Variants in SPATA13 observed in about 807,000 individuals in gnomAD.
SPATA13 encodes spermatogenesis associated 13.
In SPATA13, 50 loss-of-function variants were observed where a neutral mutation model predicts 104.0. The ratio of observed to expected loss-of-function variants is 0.48; its 90% CI spans 0.38 to 0.61. SPATA13 has a LOEUF of 0.61. Among genes scored for constraint, SPATA13 ranks in the 20% least tolerant of loss-of-function variants. The pLI is 0.00. For missense variants in SPATA13, 1,524 were observed against 1,690.6 expected (o/e 0.90, Z 1.73); for synonymous variants, 606 against 667.5 (o/e 0.91, Z 1.42).
intron 1 of SPATA13, among the ~76,000 whole-genome samples, chr13:24,185,888 G>T (rs1342204938): frequency 4.6e-5 from 7 of 152,026 alleles, no homozygotes; most frequent in Non-Finnish European, 7.4e-5. Context: ...AAATAAGCAG[G>T]GTAGGTCAGT....
intron 4 of SPATA13, among the ~76,000 whole-genome samples, chr13:24,283,350 A>T (rs1033122236): frequency 6.6e-6 from 1 of 152,246 alleles, no homozygotes; most frequent in African/African-American, 2.4e-5. Flanking sequence ...CGTTGGAAAA[A>T]ATACTGATAG....
chr13:24,137,568 C>T lies in SPATA13; in HGVS notation c.-111-85251C>T, dbSNP rs947898548. ...TGAGGCCAGGAGTTTGAGGCCAGTC[C>T]GGCCAACATGGTGAAACCCCACCAC... On this transcript the variant is annotated intron_variant, in intron 3 of 14. Coordinates refer to the SPATA13 transcript ENST00000424834. Among the ~76,000 whole-genome samples, 6 of 152,056 alleles carry T rather than the reference C, an allele frequency of 3.9e-5. No homozygotes were observed. In the East Asian group the frequency reaches 5.8e-4, roughly 15 times the overall value.
At chr13:24,080,752 C>G (rs185918599) in intron 3 of SPATA13, among the ~76,000 whole-genome samples, 8 of 152,288 alleles carry the variant, frequency 5.3e-5, no homozygotes, top group African/African-American at 1.9e-4. Flanking sequence ...CTTCTGTGCC[C>G]TATGGCATGT....
At chr13:24,108,827 T>C (rs1880542919) in intron 3 of SPATA13, among the ~76,000 whole-genome samples, 1 of 152,172 alleles carries the variant, frequency 6.6e-6, no homozygotes, top group Admixed American at 6.5e-5. Flanking sequence ...ACCTCTTCTG[T>C]GACTACTCTG....
At chr13:24,273,910 G>A (rs1272534881) in intron 4 of SPATA13, among the ~76,000 whole-genome samples, 13 of 152,112 alleles carry the variant, frequency 8.5e-5, no homozygotes, top group Admixed American at 8.5e-4. Context: ...GGCTGGTCTT[G>A]AACTCCTGGC....
Position 24,103,003 on chromosome 13 carries a change from C to T in SPATA13, c.-112+85302C>T, listed in dbSNP as rs1222444195. ...TTTATTCCTTTGCATGTGGCTATCC[C>T]GTTTTCCCAGCACCTTTTGTTGAAG... On this transcript the variant is annotated intron_variant, in intron 3 of 14. Transcript: ENST00000424834. 4.6e-5 allele frequency among the ~76,000 whole-genome samples: 7 copies of T among 152,204 alleles called. No individual in the cohort carries two copies. The East Asian group carries it at 9.7e-4, about 21-fold the overall frequency.
At chr13:24,231,888 C>T (rs984990257) in intron 2 of SPATA13, among the ~76,000 whole-genome samples, 2 of 152,198 alleles carry the variant, frequency 1.3e-5, no homozygotes, top group African/African-American at 2.4e-5. Flanking sequence ...GGTTATTAGC[C>T]ATTCAAGTGA....
intron 1 of SPATA13, among the ~76,000 whole-genome samples, chr13:24,168,435 C>G (rs1882832322): frequency 6.6e-6 from 1 of 152,196 alleles, no homozygotes; most frequent in Non-Finnish European, 1.5e-5. Context: ...TTCCAAGTAA[C>G]CACTTACTGT....
chr13:24,280,425 A>G (rs1875407571), intron 4 of SPATA13, among the ~76,000 whole-genome samples: 1 of 152,110 alleles, frequency 6.6e-6, no homozygotes, highest in African/African-American at 2.4e-5. Context: ...TTCGAGGAGA[A>G]AGCGTCATTT....
intron 3 of SPATA13, among the ~76,000 whole-genome samples, chr13:24,069,903 A>G (rs920941610): frequency 6.6e-6 from 1 of 152,228 alleles, no homozygotes; most frequent in African/African-American, 2.4e-5. Context: ...GGTGACCAAC[A>G]CTGCAAATCT....
At chr13:24,047,039 G>A (rs1028322696) in intron 3 of SPATA13, among the ~76,000 whole-genome samples, 1 of 152,092 alleles carries the variant, frequency 6.6e-6, no homozygotes, top group Admixed American at 6.6e-5. Flanking sequence ...AGCAGGCTAG[G>A]GAATGAGTGC....
chr13:24,030,912 GA>G lies in SPATA13; in HGVS notation c.-112+13212del, dbSNP rs1315126646. Reference sequence around the variant, plus strand: ...TTTTTCTAATTTTACAGAGAACCCTGAGATTTTAAAAGGTTAAATAATTTGC... The same window carrying G: ...TTTTTCTAATTTTACAGAGAACCCTGGATTTTAAAAGGTTAAATAATTTGC... On this transcript the variant is annotated intron_variant, in intron 3 of 14. Transcript: ENST00000424834. 2.0e-5 allele frequency among the ~76,000 whole-genome samples: 3 copies of G among 152,146 alleles called. No individual in the cohort carries two copies. In the East Asian group the frequency reaches 5.8e-4, roughly 29 times the overall value.
chr13:24,138,750 A>ATT (rs11354139), intron 3 of SPATA13, among the ~76,000 whole-genome samples: 1,255 of 112,604 alleles, frequency 0.011, 36 homozygotes, highest in African/African-American at 0.04. Context: ...CCCCTGGCTA[A>ATT]TTTTTTTTTT....
chr13:24,222,668 G>A, intron 1 of SPATA13, 151 bp from the exon 2 acceptor site: 1 of 619,018 alleles, frequency 1.6e-6, no homozygotes, highest in Non-Finnish European at 2.7e-6. Context: ...TTCAACTTAT[G>A]AAGTGAATGG....
At chr13:24,227,857 A>AC (rs1872033716) in intron 2 of SPATA13, among the ~76,000 whole-genome samples, 1 of 152,098 alleles carries the variant, frequency 6.6e-6, no homozygotes, top group South Asian at 2.1e-4. Context: ...GGTGTGAGCC[A>AC]CCACGCCCGG....
chr13:24,111,405 T>TGCCCC (rs1880632902), intron 3 of SPATA13, among the ~76,000 whole-genome samples: 1 of 151,936 alleles, frequency 6.6e-6, no homozygotes, highest in South Asian at 2.1e-4. Flanking sequence ...CTCTCTGTCC[T>TGCCCC]GCCCCGCCAC....
rs1882441230 is a variant in SPATA13 at position 24,160,827 on chromosome 13, A to G, written c.-217A>G. 1 of 985,154 alleles carries G rather than the reference A, an allele frequency of 1.0e-6. No homozygotes were observed. The highest frequency in any genetic ancestry group is 1.7e-5 in the African/African-American group (1 of 57,196). 61.0% of individuals were successfully genotyped at this position (985,154 alleles called of 1,614,324 possible). A position where few individuals can be genotyped will look rare whatever the true frequency, so the allele number is the denominator to read the frequency against. ...GCGCACTGGATCCCAGGCTCCTCCG[A>G]GAGTGCGGCGACCTCGGGGCTCCGC... On this transcript the variant is annotated 5_prime_UTR_variant, in exon 1 of 13. Transcript: ENST00000382108.
intron 1 of SPATA13, among the ~76,000 whole-genome samples, chr13:24,200,778 C>T (rs1024873202): frequency 6.0e-5 from 9 of 151,132 alleles, no homozygotes; most frequent in East Asian, 1.9e-4. Context: ...TGGTCACCTC[C>T]GGGTCATAAA....
intron 4 of SPATA13, 28 bp from the exon 5 acceptor site, chr13:24,284,107 A>T: frequency 6.3e-7 from 1 of 1,583,338 alleles, no homozygotes; most frequent in East Asian, 2.3e-5. Flanking sequence ...GTGTCTTTTA[A>T]ATCATGCCTT....
Sources: allele counts gnomAD v4.1 joint callset (sites outside exome capture counted in the v4.1 genomes callset), GRCh38; gene constraint gnomAD v4.1.1; transcripts MANE v1.5; gene names NCBI Gene and HGNC (gene_info 2026-07-23, HGNC 2026-07-21).